The following SLC30A5 variants were observed in gnomAD, a reference collection of about 807,000 sequenced individuals.
SLC30A5 encodes solute carrier family 30 member 5.
SLC30A5 carries 33 observed loss-of-function variants against 79.6 expected under a neutral mutation model. The ratio of observed to expected loss-of-function variants is 0.41; its 90% CI spans 0.31 to 0.55. The LOEUF (loss-of-function observed/expected upper bound fraction) is 0.55, where lower values mean the gene tolerates loss of function less well. Among genes scored for constraint, SLC30A5 ranks in the 20% least tolerant of loss-of-function variants. The pLI is 0.20. For synonymous variants in SLC30A5, 299 were observed against 319.7 expected (o/e 0.94, Z 0.69); for missense variants, 788 against 928.1 (o/e 0.85, Z 1.96).
intron 6 of SLC30A5, among the ~76,000 whole-genome samples, chr5:69,113,979 G>C (rs1179024049): frequency 2.6e-5 from 4 of 152,078 alleles, no homozygotes; most frequent in Non-Finnish European, 5.9e-5. Context: ...AGACTTATGT[G>C]GTCAGTGACT....
At chr5:69,126,810 A>ATATATAT (rs1554054424) in intron 14 of SLC30A5, among the ~76,000 whole-genome samples, 1 of 148,822 alleles carries the variant, frequency 6.7e-6, no homozygotes, top group Non-Finnish European at 1.5e-5. Flanking sequence ...ACAACAACAA[A>ATATATAT]ATATATATAT....
rs60614154 is a variant in SLC30A5 at position 69,115,135 on chromosome 5, G to GA, written c.613-72dup. The GA allele has an allele frequency of 5.1e-3, 2,745 of 538,812 alleles. 5 individuals carry two copies. The highest frequency in any genetic ancestry group is 0.012 in the South Asian group (442 of 37,108). The allele number at this position is 538,812 out of a possible 1,614,324, so 33.4% of individuals were successfully genotyped here. A position where few individuals can be genotyped will look rare whatever the true frequency, so the allele number is the denominator to read the frequency against. ...GGCAGAGCAAGACCCTGTCTCTGGG[G>GA]AAAAAAAAAAAAAAAAAAAAAAAAA... On this transcript the variant is annotated intron_variant, in intron 7 of 15. Coordinates refer to ENST00000396591, the MANE Select transcript of SLC30A5 (RefSeq NM_022902.5).
At chr5:69,097,115 T>C (rs1245226302) in intron 1 of SLC30A5, among the ~76,000 whole-genome samples, 19 of 90,466 alleles carry the variant, frequency 2.1e-4, no homozygotes, top group Non-Finnish European at 3.5e-4. Context: ...TTTTCTTTTT[T>C]TTTTTTTTTT....
At chr5:69,113,295 AAAAG>A in intron 6 of SLC30A5, 68 bp downstream of exon 6, 1 of 1,176,594 alleles carries the variant, frequency 8.5e-7, no homozygotes, top group East Asian at 2.4e-5. Flanking sequence ...GAACAATGGA[AAAAG>A]AAAGGATAAG....
Position 69,116,610 on chromosome 5 carries a change from T to TTAA in SLC30A5, c.1281+9_1281+10insAAT, listed in dbSNP as rs1746381003. On this transcript the variant is annotated intron_variant, in intron 10 of 15. Transcript: ENST00000396591. This position sits in a 1 kb window ranked among gnomAD's most constrained non-coding sequence, Gnocchi z 4.0. ...TTCTTGTGCTTGAATCTGGTAAGATTTTTAAATGTTAATTGACATATCCTA... is the reference window on the plus strand; with the variant it reads ...TTCTTGTGCTTGAATCTGGTAAGATTTAATTTAAATGTTAATTGACATATCCTA... 6.6e-7 allele frequency: 1 copy of TTAA among 1,510,478 alleles called. No individual in the cohort carries two copies. The highest frequency in any genetic ancestry group is 2.3e-5 in the Admixed American group (1 of 43,976). The allele number at this position is 1,510,478 out of a possible 1,614,324, so 93.6% of individuals were successfully genotyped here. A position where few individuals can be genotyped will look rare whatever the true frequency, so the allele number is the denominator to read the frequency against.
At chr5:69,095,501 A>G (rs1481542725) in intron 1 of SLC30A5, among the ~76,000 whole-genome samples, 1 of 151,928 alleles carries the variant, frequency 6.6e-6, no homozygotes, top group Non-Finnish European at 1.5e-5. Flanking sequence ...CGCCCGCCCA[A>G]CATAAGCATT....
chr5:69,109,106 C>T (rs1232475878), intron 5 of SLC30A5, among the ~76,000 whole-genome samples: 1 of 152,016 alleles, frequency 6.6e-6, no homozygotes, highest in African/African-American at 2.4e-5. Flanking sequence ...CTATCAAAAC[C>T]AGTCAATTAG....
intron 13 of SLC30A5, among the ~76,000 whole-genome samples, chr5:69,122,777 A>G (rs1442434722): frequency 3.3e-5 from 5 of 152,226 alleles, no homozygotes; most frequent in Non-Finnish European, 7.3e-5. Context: ...ACAGTGTGCT[A>G]TTATGAACCT....
Position 69,094,214 on chromosome 5 carries a change from A to G in SLC30A5, c.-42A>G. On this transcript the variant is annotated 5_prime_UTR_variant, in exon 1 of 16. Transcript: ENST00000396591. ...CGCGGCAGCGGCGAGACATGAGGAG[A>G]CCCCGCGACAGGGGCAGCGGCGGCG... The G allele has an allele frequency of 9.7e-7, 1 of 1,026,880 alleles. No homozygotes were observed. Among genetic ancestry groups the G allele is most frequent in the Non-Finnish European group, 1.3e-6 (1 of 784,280 alleles). The allele number at this position is 1,026,880 out of a possible 1,614,324, so 63.6% of individuals were successfully genotyped here. A position where few individuals can be genotyped will look rare whatever the true frequency, so the allele number is the denominator to read the frequency against.
chr5:69,095,692 T>C (rs1745707454), intron 1 of SLC30A5, among the ~76,000 whole-genome samples: 1 of 152,124 alleles, frequency 6.6e-6, no homozygotes, highest in Admixed American at 6.6e-5. Flanking sequence ...GATTTGGTAG[T>C]AGGGGAAAAG....
chr5:69,099,632 A>G (rs1745851921), intron 1 of SLC30A5, among the ~76,000 whole-genome samples: 1 of 152,168 alleles, frequency 6.6e-6, no homozygotes, highest in Admixed American at 6.5e-5. Context: ...GAGCCTTTTT[A>G]GGACTCTAGG....
At chr5:69,094,959 C>T (rs1270649047) in intron 1 of SLC30A5, among the ~76,000 whole-genome samples, 2 of 152,098 alleles carry the variant, frequency 1.3e-5, no homozygotes, top group Non-Finnish European at 2.9e-5. Context: ...CTCCCACCAA[C>T]CCGAAAAGTA....
Position 69,121,767 on chromosome 5 carries a change from A to C in SLC30A5, c.1643A>C (p.His548Pro). The C allele has an allele frequency of 6.2e-7, 1 of 1,612,134 alleles. No individual in the cohort carries two copies. Among genetic ancestry groups the C allele is most frequent in the Non-Finnish European group, 8.5e-7 (1 of 1,178,868 alleles). ...TTTAGCCATGCCCATAGCCATGCCC[A>C]TGGAGCTTCTCAAGGAAGCTGTCAC... Reference protein sequence around the residue: ...CAFSHAHSHAHGASQGSCHSS... With the variant: ...CAFSHAHSHAPGASQGSCHSS... The change falls in exon 13 of 16, where the codon CAT becomes CCT. Residue 548 changes from histidine to proline, a missense_variant. By Grantham distance (77) the His-to-Pro change is moderately conservative. Coordinates refer to ENST00000396591, the MANE Select transcript of SLC30A5 (RefSeq NM_022902.5).
intron 1 of SLC30A5, among the ~76,000 whole-genome samples, chr5:69,100,060 C>T (rs1399028259): frequency 6.6e-6 from 1 of 152,192 alleles, no homozygotes; most frequent in Non-Finnish European, 1.5e-5. Flanking sequence ...CCTCTGCCTC[C>T]CGGGTTCAAG....
At chr5:69,127,941 A>G (rs1203748181) in intron 14 of SLC30A5, 63 bp from the exon 15 acceptor site, 20 of 1,372,798 alleles carry the variant, frequency 1.5e-5, no homozygotes, top group Non-Finnish European at 1.9e-5. Flanking sequence ...GTCAGAAAGC[A>G]TCTCCATTGT....
intron 3 of SLC30A5, 115 bp from the exon 4 acceptor site, chr5:69,104,516 T>C (rs1746027709): frequency 5.0e-6 from 7 of 1,387,790 alleles, no homozygotes; most frequent in Non-Finnish European, 6.6e-6. Context: ...AAATATGTAA[T>C]GATTTCACCT....
intron 14 of SLC30A5, among the ~76,000 whole-genome samples, chr5:69,125,243 A>G (rs1452437089): frequency 6.6e-6 from 1 of 151,666 alleles, no homozygotes; most frequent in African/African-American, 2.4e-5. Flanking sequence ...TACAAAAATT[A>G]GGGTCGGGCA....
intron 5 of SLC30A5, 51 bp downstream of exon 5, chr5:69,108,487 A>T: frequency 1.6e-6 from 2 of 1,260,726 alleles, no homozygotes; most frequent in South Asian, 1.2e-5. Context: ...TGTATGTCAC[A>T]TATTATCCAA....
At chr5:69,125,792 A>G (rs1746665670) in intron 14 of SLC30A5, among the ~76,000 whole-genome samples, 1 of 67,218 alleles carries the variant, frequency 1.5e-5, no homozygotes, top group African/African-American at 5.0e-5. Flanking sequence ...TGAGCCATGA[A>G]CCTGGGAGGC....
Sources: gnomAD v4.1 joint callset for allele counts (sites outside exome capture counted in the v4.1 genomes callset) on GRCh38, gnomAD v4.1.1 for gene constraint, Gnocchi (gnomAD v3.1) non-coding constraint, MANE v1.5 for transcripts, NCBI Gene and HGNC (gene_info 2026-07-23, HGNC 2026-07-21) for gene names.